DENND5A: variants seen among roughly 807,000 people sequenced by gnomAD.
DENND5A encodes the protein DENN domain containing 5A.
In DENND5A, 64 loss-of-function variants were observed where a neutral mutation model predicts 140.3. The observed-to-expected ratio is 0.46, with a 90% CI of 0.37 to 0.56. The LOEUF (loss-of-function observed/expected upper bound fraction) is 0.56. DENND5A is among the 20% of genes least tolerant of loss of function. DENND5A has a pLI of 0.00. For missense variants in DENND5A, 1,292 were observed against 1,593.8 expected (o/e 0.81, Z 3.22); for synonymous variants, 605 against 607.7 (o/e 1.00, Z 0.07).
At chr11:9,225,029 C>T (rs182387479) in intron 1 of DENND5A, among the ~76,000 whole-genome samples, 1 of 152,190 alleles carries the variant, frequency 6.6e-6, no homozygotes, top group African/African-American at 2.4e-5. Flanking sequence ...CCTCACAATC[C>T]TAGTCCCTAG....
chr11:9,141,830 T>G (rs1280304636), intron 22 of DENND5A, 110 bp downstream of exon 22: 1 of 1,041,204 alleles, frequency 9.6e-7, no homozygotes, highest in African/African-American at 1.6e-5. Flanking sequence ...TAAGGCCTCA[T>G]CTCCCTAAGG....
chr11:9,254,803 T>C (rs1045520014), intron 1 of DENND5A, among the ~76,000 whole-genome samples: 1 of 152,146 alleles, frequency 6.6e-6, no homozygotes, highest in Non-Finnish European at 1.5e-5. Flanking sequence ...CAAGGTGTGG[T>C]GGTTCACACC....
rs769295737 is a variant in DENND5A at position 9,180,812 on chromosome 11, G to A, written c.1410C>T (p.Ala470=). ...YELLKENETI[A]RLQALVKRTG... ...TTCTCTTGACCAAGGCTTGCAGCCG[G>A]GCAATAGTTTCATTCTCCTTAAGAA... The change falls in exon 6 of 23, where the codon GCC becomes GCT. Residue 470 remains alanine (A), a synonymous_variant. Coordinates refer to ENST00000328194, the MANE Select transcript of DENND5A (RefSeq NM_015213.4). 6 of 1,614,184 alleles carry A rather than the reference G, an allele frequency of 3.7e-6. No homozygotes were observed. The highest frequency in any genetic ancestry group is 5.1e-6 in the Non-Finnish European group (6 of 1,180,030).
rs761073271 is a variant in DENND5A, at chr11:9,258,088, C to A, written c.109+6873G>T. Among the ~76,000 whole-genome samples, 4 of 151,964 alleles carry A rather than the reference C, an allele frequency of 2.6e-5. No homozygotes were observed. The East Asian group carries it at 7.7e-4, about 29-fold the overall frequency. ...GATTACAAGCATGAGCCACCGTACCCGGTCTACACACAGTACACACAGTAT... is the reference window on the plus strand; with the variant it reads ...GATTACAAGCATGAGCCACCGTACCAGGTCTACACACAGTACACACAGTAT... On this transcript the variant is annotated intron_variant, in intron 1 of 22. Transcript: ENST00000328194.
At chr11:9,167,117 A>T (rs1402091737) in intron 10 of DENND5A, among the ~76,000 whole-genome samples, 1 of 152,220 alleles carries the variant, frequency 6.6e-6, no homozygotes, top group Non-Finnish European at 1.5e-5. Context: ...ATGTTGTTTA[A>T]CACAGAACCC....
intron 5 of DENND5A, among the ~76,000 whole-genome samples, chr11:9,189,644 G>C (rs1418411711): frequency 6.7e-6 from 1 of 149,202 alleles, no homozygotes; most frequent in African/African-American, 2.5e-5. Flanking sequence ...TTTTTTGTTT[G>C]TTTGTTTGTT....
At chr11:9,236,995 C>A (rs1590319106) in intron 1 of DENND5A, among the ~76,000 whole-genome samples, 1 of 151,926 alleles carries the variant, frequency 6.6e-6, no homozygotes, top group East Asian at 1.9e-4. Context: ...ACAAATCAAT[C>A]AGAAAAAAAG....
At chr11:9,252,909 G>A (rs1315115148) in intron 1 of DENND5A, among the ~76,000 whole-genome samples, 1 of 151,456 alleles carries the variant, frequency 6.6e-6, no homozygotes, top group Non-Finnish European at 1.5e-5. Flanking sequence ...GAGTGCAGTG[G>A]CACAATCATG....
chr11:9,183,127 T>C lies in DENND5A; in HGVS notation c.1138-2043A>G, dbSNP rs115854578. Among the ~76,000 whole-genome samples, 1,135 of 152,310 alleles carry C rather than the reference T, an allele frequency of 7.5e-3. 10 individuals are homozygous for C. The highest frequency in any genetic ancestry group is 0.026 in the African/African-American group (1,091 of 41,562). ...GTCCCTGTTGGAATGTTCTTGCAGGTATAAATTACAGAAGCCTTTCATATT... is the reference window on the plus strand; with the variant it reads ...GTCCCTGTTGGAATGTTCTTGCAGGCATAAATTACAGAAGCCTTTCATATT... On this transcript the variant is annotated intron_variant, in intron 5 of 22. Transcript: ENST00000328194.
chr11:9,227,990 G>A (rs1850601786), intron 1 of DENND5A, among the ~76,000 whole-genome samples: 1 of 150,006 alleles, frequency 6.7e-6, no homozygotes, highest in South Asian at 2.1e-4. Flanking sequence ...GTGCATGCCT[G>A]TAATCCCAGC....
intron 5 of DENND5A, among the ~76,000 whole-genome samples, chr11:9,184,074 C>T (rs1043097629): frequency 2.0e-5 from 3 of 151,730 alleles, no homozygotes; most frequent in African/African-American, 4.8e-5. Context: ...ACATTTGGGC[C>T]GGGCACAGTG....
chr11:9,216,140 C>T (rs890991416), intron 1 of DENND5A, among the ~76,000 whole-genome samples: 1 of 152,204 alleles, frequency 6.6e-6, no homozygotes, highest in African/African-American at 2.4e-5. Context: ...CCTAACTTGG[C>T]TACTTACTAA....
chr11:9,241,050 G>GT (rs1334999906), intron 1 of DENND5A, among the ~76,000 whole-genome samples: 1 of 152,174 alleles, frequency 6.6e-6, no homozygotes, highest in African/African-American at 2.4e-5. Context: ...TGTGTGTGAT[G>GT]TTTGTGTATT....
chr11:9,166,756 C>T (rs560976804), intron 10 of DENND5A, among the ~76,000 whole-genome samples: 7 of 151,870 alleles, frequency 4.6e-5, no homozygotes, highest in African/African-American at 1.7e-4. Context: ...TGCTTGAACC[C>T]GGGAGGTGGA....
chr11:9,245,099 A>G (rs934102140), intron 1 of DENND5A, among the ~76,000 whole-genome samples: 3 of 151,824 alleles, frequency 2.0e-5, no homozygotes, highest in African/African-American at 7.2e-5. Context: ...CTTGGCCAAC[A>G]TGCTGAAACC....
chr11:9,153,636 T>C (rs1027547913), intron 12 of DENND5A, among the ~76,000 whole-genome samples: 3 of 152,148 alleles, frequency 2.0e-5, no homozygotes, highest in Non-Finnish European at 2.9e-5. Flanking sequence ...GGCTACCTTA[T>C]AAGTTGTTAG....
At chr11:9,165,358 T>G (rs901629372) in intron 11 of DENND5A, among the ~76,000 whole-genome samples, 3 of 152,222 alleles carry the variant, frequency 2.0e-5, no homozygotes, top group African/African-American at 7.2e-5. Flanking sequence ...ATGCATGCTC[T>G]CAATTAATGG....
chr11:9,238,725 T>C (rs1266300086), intron 1 of DENND5A, among the ~76,000 whole-genome samples: 2 of 150,778 alleles, frequency 1.3e-5, no homozygotes, highest in Non-Finnish European at 3.0e-5. Context: ...AAAAATATTT[T>C]TTAACTGAAA....
At chr11:9,141,810 G>C (rs774452892) in intron 22 of DENND5A, 130 bp downstream of exon 22, 9 of 764,290 alleles carry the variant, frequency 1.2e-5, no homozygotes, top group Admixed American at 3.9e-5. Context: ...AGGGCTTCTA[G>C]GAAACCTTCT....
Sources: allele counts gnomAD v4.1 joint callset (sites outside exome capture counted in the v4.1 genomes callset), GRCh38; gene constraint gnomAD v4.1.1; transcripts MANE v1.5; gene names NCBI Gene and HGNC (gene_info 2026-07-23, HGNC 2026-07-21).